Variants in DPF3 observed in about 807,000 individuals in gnomAD.
DPF3 encodes zinc finger protein DPF3.
DPF3 carries 18 observed loss-of-function variants against 56.8 expected under a neutral mutation model. The ratio of observed to expected loss-of-function variants is 0.32; its 90% CI spans 0.22 to 0.47. DPF3 has a LOEUF of 0.47. Among genes scored for constraint, DPF3 ranks in the 20% least tolerant of loss-of-function variants. The probability of loss-of-function intolerance (pLI) is 1.00; values close to 1 mark genes in which losing one functional copy is unlikely to be tolerated. For synonymous variants in DPF3, 188 were observed against 180.2 expected (o/e 1.04, Z -0.35); for missense variants, 403 against 488.8 (o/e 0.82, Z 1.65).
chr14:72,892,107 C>T, intron 1 of DPF3: 2 of 1,506,228 alleles, frequency 1.3e-6, no homozygotes, highest in Non-Finnish European at 1.8e-6. Flanking sequence ...AAGCGGGCTC[C>T]CGGGTAACTA....
Position 72,771,721 on chromosome 14 carries a change from G to A in DPF3, c.193+12C>T, listed in dbSNP as rs1047902985. ...CTGCACATGCGCATGTCCCAGGAGT[G>A]GCGCAGCTCACCTGGGCCTCGGTGC... On this transcript the variant is annotated intron_variant, in intron 2 of 10. Transcript: ENST00000556509. 6.2e-7 allele frequency: 1 copy of A among 1,607,604 alleles called. No homozygotes were observed. The highest frequency in any genetic ancestry group is 8.5e-7 in the Non-Finnish European group (1 of 1,177,016).
intron 6 of DPF3, among the ~76,000 whole-genome samples, chr14:72,700,491 GCCAAGGTGAACCCAGGTC>G (rs924235664): frequency 1.3e-5 from 2 of 152,214 alleles, no homozygotes; most frequent in Admixed American, 1.3e-4. Flanking sequence ...TCTGAGAGCT[GCCAAGGTGAACCCAGGTC>G]CCAACCAGTC....
chr14:72,830,988 C>A (rs999230509), intron 1 of DPF3, among the ~76,000 whole-genome samples: 1 of 152,184 alleles, frequency 6.6e-6, no homozygotes, highest in Non-Finnish European at 1.5e-5. Context: ...CCGTATCAAT[C>A]GCCCCCACCT....
At chr14:72,714,982 C>T (rs1320784899) in intron 5 of DPF3, among the ~76,000 whole-genome samples, 11 of 152,222 alleles carry the variant, frequency 7.2e-5, no homozygotes, top group African/African-American at 2.4e-4. Context: ...AGGAGCAAGG[C>T]CTGACGGGGG....
At chr14:72,745,174 T>C (rs560290340) in intron 3 of DPF3, among the ~76,000 whole-genome samples, 5 of 152,310 alleles carry the variant, frequency 3.3e-5, no homozygotes, top group East Asian at 1.9e-4. Context: ...TTTCCATAAA[T>C]TTAAAGAGAT....
At chr14:72,856,768 G>A (rs543920199) in intron 1 of DPF3, among the ~76,000 whole-genome samples, 1 of 152,306 alleles carries the variant, frequency 6.6e-6, no homozygotes, top group Non-Finnish European at 1.5e-5. Context: ...CAGGAGGACA[G>A]GCAGATGGCC....
intron 7 of DPF3, among the ~76,000 whole-genome samples, chr14:72,692,853 G>A (rs1162040055): frequency 6.6e-6 from 1 of 152,152 alleles, no homozygotes; most frequent in Non-Finnish European, 1.5e-5. Context: ...TGGGAGCAGA[G>A]CAGGGTGTGT....
intron 1 of DPF3, among the ~76,000 whole-genome samples, chr14:72,789,268 A>C (rs1892332572): frequency 6.6e-6 from 1 of 152,058 alleles, no homozygotes; most frequent in South Asian, 2.1e-4. Flanking sequence ...TCTCCACAAC[A>C]ACCCTATGAA....
chr14:72,650,106 C>G (rs1885861407), intron 8 of DPF3, among the ~76,000 whole-genome samples: 1 of 152,182 alleles, frequency 6.6e-6, no homozygotes, highest in Non-Finnish European at 1.5e-5. Context: ...CTCCACAACC[C>G]TCCCGCCCCA....
intron 1 of DPF3, among the ~76,000 whole-genome samples, chr14:72,880,601 G>C (rs139315274): frequency 3.2e-4 from 49 of 152,332 alleles, no homozygotes; most frequent in Non-Finnish European, 5.4e-4. Flanking sequence ...CTGTTGCCCA[G>C]GCTGGAGTGC....
chr14:72,866,183 T>A (rs1358360752), intron 1 of DPF3, among the ~76,000 whole-genome samples: 1 of 152,172 alleles, frequency 6.6e-6, no homozygotes, highest in African/African-American at 2.4e-5. Context: ...AGGGTTTTCA[T>A]TACTTGGTTT....
At chr14:72,704,623 C>T (rs1290600910) in intron 6 of DPF3, among the ~76,000 whole-genome samples, 9 of 152,190 alleles carry the variant, frequency 5.9e-5, no homozygotes, top group Admixed American at 2.0e-4. Flanking sequence ...TCTGTTAAGA[C>T]GTTTCTGCCT....
chr14:72,676,584 G>A (rs951164010), intron 7 of DPF3, among the ~76,000 whole-genome samples: 1 of 152,222 alleles, frequency 6.6e-6, no homozygotes, highest in African/African-American at 2.4e-5. Context: ...GAGAGACTGA[G>A]TAGGATATAA....
chr14:72,735,683 G>T (rs1473927477), intron 3 of DPF3, among the ~76,000 whole-genome samples: 1 of 152,190 alleles, frequency 6.6e-6, no homozygotes, highest in African/African-American at 2.4e-5. Context: ...TGCTCCCATA[G>T]GTTCTGCCTT....
chr14:72,785,903 T>C (rs1254615754), intron 1 of DPF3, among the ~76,000 whole-genome samples: 1 of 151,858 alleles, frequency 6.6e-6, no homozygotes, highest in African/African-American at 2.4e-5. Context: ...AACTAAAGGG[T>C]CAGATTAAAG....
At chr14:72,690,645 G>A (rs1001364045) in intron 7 of DPF3, among the ~76,000 whole-genome samples, 8 of 150,878 alleles carry the variant, frequency 5.3e-5, no homozygotes, top group South Asian at 2.1e-4. Context: ...GCACACACAC[G>A]CATAGACACA....
intron 1 of DPF3, among the ~76,000 whole-genome samples, chr14:72,825,710 AG>A (rs1246092482): frequency 7.6e-6 from 1 of 132,328 alleles, no homozygotes; most frequent in African/African-American, 2.9e-5. Context: ...AGCCCAGCCC[AG>A]CCCAGCCCAG....
chr14:72,629,588 G>C, intron 9 of DPF3, 36 bp downstream of exon 9: 1 of 1,515,034 alleles, frequency 6.6e-7, no homozygotes, highest in Non-Finnish European at 8.9e-7. Flanking sequence ...CAGCTCTGTG[G>C]ATTTCTCCCT....
intron 1 of DPF3, among the ~76,000 whole-genome samples, chr14:72,861,798 A>AGAAAGAAG (rs1491172399): frequency 1.1e-4 from 16 of 150,252 alleles, no homozygotes; most frequent in Admixed American, 9.9e-4. Flanking sequence ...AAAGAAAGAA[A>AGAAAGAAG]GAAAGAAGGA....
Sources: allele counts gnomAD v4.1 joint callset (sites outside exome capture counted in the v4.1 genomes callset), GRCh38; gene constraint gnomAD v4.1.1; transcripts MANE v1.5; gene names NCBI Gene and HGNC (gene_info 2026-07-23, HGNC 2026-07-21).